The following ZNF366 variants were observed in gnomAD, a reference collection of about 807,000 sequenced individuals.
ZNF366 encodes zinc finger protein 366, also known as dendritic cell-specific transcript protein.
Under a neutral mutation model 47.2 loss-of-function variants are expected in ZNF366, and 20 were observed. The ratio of observed to expected loss-of-function variants is 0.42; its 90% confidence interval spans 0.30 to 0.62. The LOEUF (loss-of-function observed/expected upper bound fraction) is 0.62. Among genes scored for constraint, ZNF366 ranks in the 20% least tolerant of loss-of-function variants. The pLI, the probability that ZNF366 is intolerant of heterozygous loss-of-function variation, is 0.16. For synonymous variants in ZNF366, 421 were observed against 395.1 expected, an observed-to-expected ratio of 1.07 and a Z score of -0.78; for missense variants, 987 against 976.3, an observed-to-expected ratio of 1.01 and a Z score of -0.15.
intron 1 of ZNF366, among the ~76,000 whole-genome samples, chr5:72,477,655 C>T (rs1357625660): frequency 1.3e-5 from 2 of 152,128 alleles, no homozygotes; most frequent in Non-Finnish European, 2.9e-5. Flanking sequence ...GTACAATTAT[C>T]CCTATTTTAT....
At position 72,443,805 on chromosome 5, in the gene ZNF366, T is replaced by C; in HGVS notation, c.2186A>G (p.Glu729Gly). ...YFKHRDESLK[E>G]LLERKMEKQA... ...TTTTTCCATTTTCCTCTCCAGTAATTCTTTCAAACTCTCATCTCTGTGCTT... is the reference window on the plus strand; with the variant it reads ...TTTTTCCATTTTCCTCTCCAGTAATCCTTTCAAACTCTCATCTCTGTGCTT... Residue 729 changes from glutamate (E) to glycine (G), a missense_variant, in exon 5 of 5, where the codon GAA becomes GGA. Physicochemically the swap from Glu to Gly is moderately conservative, Grantham distance 98. Around this residue, in one of 3 missense-constraint regions of ZNF366, gnomAD observed 285 missense variants for 234.8 expected, o/e 1.21. Coordinates refer to ENST00000318442, the MANE Select transcript of ZNF366 (RefSeq NM_152625.3). 6.2e-7 allele frequency: 1 copy of C among 1,614,108 alleles called. No individual in the cohort carries two copies. Among genetic ancestry groups the C allele is most frequent in the Non-Finnish European group, 8.5e-7 (1 of 1,180,026 alleles).
At chr5:72,484,982 T>G (rs1474762902) in intron 1 of ZNF366, among the ~76,000 whole-genome samples, 1 of 152,210 alleles carries the variant, frequency 6.6e-6, no homozygotes, top group Non-Finnish European at 1.5e-5. Flanking sequence ...CTTGATGGTT[T>G]AGAGCTGTGC....
At chr5:72,504,117 G>A (rs551218612) in intron 1 of ZNF366, among the ~76,000 whole-genome samples, 4 of 152,146 alleles carry the variant, frequency 2.6e-5, no homozygotes, top group South Asian at 2.1e-4. Flanking sequence ...ACACACACAC[G>A]CACACCCATG....
intron 1 of ZNF366, among the ~76,000 whole-genome samples, chr5:72,499,849 G>A (rs1032498187): frequency 6.6e-6 from 1 of 152,174 alleles, no homozygotes; most frequent in Non-Finnish European, 1.5e-5. Context: ...AGTCACGGGA[G>A]AGATGCCATG....
chr5:72,460,676 C>A lies in ZNF366; in HGVS notation c.821G>T (p.Gly274Val), dbSNP rs778071522. The change falls in exon 2 of 5, where the codon GGC (glycine) becomes GTC (valine). Residue 274 changes from glycine to valine, a missense_variant. Gly to Val is a moderately radical substitution (Grantham distance 109). This residue lies in a region of ZNF366 where 591 missense variants were observed against 560.9 expected (regional missense o/e 1.05). Coordinates refer to ENST00000318442, the MANE Select transcript of ZNF366 (RefSeq NM_152625.3). ...SKYNLVTHIL[G>V]HSGIKPHACT... The stretch of plus-strand genomic sequence containing the variant: ...CGCGTGCGGCTTGATCCCACTGTGG[C>A]CCAGGATGTGGGTGACCAGGTTGTA... The A allele has an allele frequency of 1.2e-6, 2 of 1,614,200 alleles. No homozygotes were observed. Among genetic ancestry groups the A allele is most frequent in the South Asian group, 2.2e-5 (2 of 91,090 alleles).
intron 2 of ZNF366, among the ~76,000 whole-genome samples, chr5:72,459,635 C>T (rs1230806594): frequency 3.9e-5 from 6 of 152,214 alleles, no homozygotes; most frequent in Non-Finnish European, 8.8e-5. Context: ...TAGGCCCTGC[C>T]GGCCTCAGCC....
chr5:72,477,559 A>T (rs925306947), intron 1 of ZNF366, among the ~76,000 whole-genome samples: 4 of 152,232 alleles, frequency 2.6e-5, no homozygotes, highest in African/African-American at 9.6e-5. Flanking sequence ...CTGCAAATCA[A>T]CAATTCTGGT....
chr5:72,459,282 A>C (rs1282159423), intron 2 of ZNF366, among the ~76,000 whole-genome samples: 1 of 152,186 alleles, frequency 6.6e-6, no homozygotes, highest in Non-Finnish European at 1.5e-5. Context: ...GCTTGCTAGA[A>C]GTCTTTCCTG....
intron 1 of ZNF366, chr5:72,472,640 T>C (rs1163983138): frequency 1.2e-6 from 1 of 868,352 alleles, no homozygotes; most frequent in Non-Finnish European, 1.4e-6. Context: ...AGATTCATAG[T>C]AATTACAGAA....
chr5:72,460,511 A>C lies in ZNF366; in HGVS notation c.986T>G (p.Met329Arg). ...TQTSHLKRHMMQHSEVKPHNC... is the reference protein window; with the variant it reads ...TQTSHLKRHMRQHSEVKPHNC... ...GTGCGGCTTCACCTCGCTGTGCTGC[A>C]TCATGTGGCGCTTCAGGTGGCTGGT... The change falls in exon 2 of 5, where the codon ATG (methionine) becomes AGG (arginine). Residue 329 changes from methionine (M) to arginine (R), a missense_variant. Coordinates refer to ENST00000318442, the MANE Select transcript of ZNF366 (RefSeq NM_152625.3). The C allele has an allele frequency of 1.2e-6, 2 of 1,614,048 alleles. No homozygotes were observed. Among genetic ancestry groups the C allele is most frequent in the Non-Finnish European group, 1.7e-6 (2 of 1,180,010 alleles).
chr5:72,464,045 T>A (rs1011811629), intron 1 of ZNF366, among the ~76,000 whole-genome samples: 6 of 152,324 alleles, frequency 3.9e-5, no homozygotes, highest in Admixed American at 1.3e-4. Flanking sequence ...CAAGTACCTA[T>A]GGCAAACCAT....
chr5:72,477,100 G>A (rs1212101008), intron 1 of ZNF366, among the ~76,000 whole-genome samples: 1 of 152,116 alleles, frequency 6.6e-6, no homozygotes, highest in Non-Finnish European at 1.5e-5. Context: ...TTGTCAAAAG[G>A]TTGGTTTTCT....
intron 1 of ZNF366, among the ~76,000 whole-genome samples, chr5:72,497,432 T>C (rs1221888509): frequency 6.6e-6 from 1 of 152,156 alleles, no homozygotes; most frequent in African/African-American, 2.4e-5. Context: ...GTCAAATCAA[T>C]TGAACATATA....
At chr5:72,496,719 T>G (rs962432178) in intron 1 of ZNF366, among the ~76,000 whole-genome samples, 1 of 152,204 alleles carries the variant, frequency 6.6e-6, no homozygotes, top group Non-Finnish European at 1.5e-5. Flanking sequence ...CAAACTGTTT[T>G]GCAAAGAGGT....
At chr5:72,483,441 A>G (rs550116797) in intron 1 of ZNF366, among the ~76,000 whole-genome samples, 1 of 152,042 alleles carries the variant, frequency 6.6e-6, no homozygotes, top group South Asian at 2.1e-4. Flanking sequence ...CTGGCCTTTG[A>G]GGTCACATTC....
At chr5:72,490,767 A>G (rs779095215) in intron 1 of ZNF366, among the ~76,000 whole-genome samples, 9 of 152,234 alleles carry the variant, frequency 5.9e-5, no homozygotes, top group Admixed American at 1.3e-4. Context: ...TGTGATAACC[A>G]GAAAGATCCT....
intron 3 of ZNF366, among the ~76,000 whole-genome samples, chr5:72,451,230 G>A (rs530112399): frequency 3.1e-4 from 47 of 152,360 alleles, no homozygotes; most frequent in Admixed American, 2.6e-4. Context: ...GCGTGCCCCC[G>A]CTTGACCTCT....
At position 72,492,515 on chromosome 5, in the gene ZNF366, G is replaced by C. The variant is rs1251274681; in HGVS notation, c.-15+14736C>G. ...ACAACAACAAAAACCAACCATGTCAGCCAGTGCTGAAACTCAGGACAGCTC... is the reference window on the plus strand; with the variant it reads ...ACAACAACAAAAACCAACCATGTCACCCAGTGCTGAAACTCAGGACAGCTC... On this transcript the variant is annotated intron_variant, in intron 1 of 4. Transcript: ENST00000318442. Among the ~76,000 whole-genome samples, 4 of 152,288 alleles carry C rather than the reference G, an allele frequency of 2.6e-5. No homozygotes were observed. In the East Asian group the frequency reaches 7.7e-4, roughly 29 times the overall value.
chr5:72,482,970 T>C lies in ZNF366; in HGVS notation c.-14-21460A>G, dbSNP rs534529145. On this transcript the variant is annotated intron_variant, in intron 1 of 4. Transcript: ENST00000318442. ...TGTTAGTACCCTAAACTCAATACTT[T>C]TTTGGCTGATGAAAATGCAAAAGGA... Among the ~76,000 whole-genome samples the C allele has an allele frequency of 4.8e-4, 73 of 152,292 alleles. No individual in the cohort carries two copies. The South Asian group carries it at 9.7e-3, about 20-fold the overall frequency.
Sources: gnomAD v4.1 joint callset for allele counts (sites outside exome capture counted in the v4.1 genomes callset) on GRCh38, gnomAD v4.1.1 for gene constraint, gnomAD v4.1.1 regional missense constraint, MANE v1.5 for transcripts, NCBI Gene and HGNC (gene_info 2026-07-23, HGNC 2026-07-21) for gene names.